SNX29: variants seen among roughly 807,000 people sequenced by gnomAD.
SNX29 encodes the protein sorting nexin-29.
A neutral mutation model predicts 102.1 loss-of-function variants in SNX29; 78 were observed. The ratio of observed to expected loss-of-function variants is 0.76; its 90% CI spans 0.64 to 0.92. SNX29 has a LOEUF of 0.92. Ranked by LOEUF, SNX29 falls within the 40% of genes least tolerant of loss-of-function variation. The pLI, the probability that SNX29 is intolerant of heterozygous loss-of-function variation, is 0.00. For synonymous variants in SNX29, 580 were observed against 414.5 expected (o/e 1.40, Z -4.85); for missense variants, 1,280 against 1,061.7 (o/e 1.21, Z -2.86).
intron 14 of SNX29, among the ~76,000 whole-genome samples, chr16:12,229,709 T>C (rs830715): frequency 2.6e-5 from 4 of 151,834 alleles, no homozygotes; most frequent in Middle Eastern, 3.4e-3. Flanking sequence ...ATTGAAGTAG[T>C]GTAGAGGGTT....
intron 14 of SNX29, among the ~76,000 whole-genome samples, chr16:12,202,699 C>G (rs1011988344): frequency 1.3e-5 from 2 of 152,124 alleles, no homozygotes; most frequent in African/African-American, 4.8e-5. Context: ...GGCGATCCTC[C>G]TCCTCTCCTT....
intron 15 of SNX29, among the ~76,000 whole-genome samples, chr16:12,304,638 C>A (rs776620048): frequency 2.0e-5 from 3 of 152,218 alleles, no homozygotes; most frequent in Non-Finnish European, 2.9e-5. Flanking sequence ...AGTGATCCAC[C>A]TGCCTTGGCC....
At chr16:12,211,360 G>A (rs1368653989) in intron 14 of SNX29, among the ~76,000 whole-genome samples, 1 of 152,192 alleles carries the variant, frequency 6.6e-6, no homozygotes, top group Admixed American at 6.5e-5. Flanking sequence ...ACAGATAACA[G>A]AAGCTCTGTT....
chr16:12,457,265 A>G (rs4327068), intron 18 of SNX29, among the ~76,000 whole-genome samples: 34,199 of 152,128 alleles, frequency 0.22, 3,842 homozygotes, highest in South Asian at 0.34. Context: ...TCCCCGCTCT[A>G]TAGATGCTAA....
chr16:12,053,090 A>C (rs1440770844), intron 8 of SNX29: 1 of 152,122 alleles, frequency 6.6e-6, no homozygotes, highest in Non-Finnish European at 1.5e-5. Flanking sequence ...CAGGAGTTCT[A>C]GACCAGCCTG....
rs77877181 is a variant in SNX29, at chr16:12,064,740, C to T, written c.1243+3094C>T. Among the ~76,000 whole-genome samples the T allele has an allele frequency of 1.4e-3, 207 of 152,278 alleles. 6 individuals are homozygous for T. The East Asian group carries it at 0.035, about 26-fold the overall frequency. ...CCCATTTCCATGGGAGGTGTGGGGC[C>T]GACTGGTGCCAAGACTCTGCCTGCC... On this transcript the variant is annotated intron_variant, in intron 9 of 20. Coordinates refer to ENST00000566228, the MANE Select transcript of SNX29 (RefSeq NM_032167.5).
At chr16:12,533,740 A>G (rs2076993811) in intron 20 of SNX29, among the ~76,000 whole-genome samples, 1 of 152,108 alleles carries the variant, frequency 6.6e-6, no homozygotes, top group Admixed American at 6.5e-5. Context: ...GGTGGGTCAT[A>G]TAAGTGAATT....
At chr16:12,306,799 G>A (rs946768007) in intron 15 of SNX29, among the ~76,000 whole-genome samples, 37 of 152,184 alleles carry the variant, frequency 2.4e-4, no homozygotes, top group African/African-American at 7.0e-4. Context: ...CTTGTCAGCC[G>A]AGCTGTCCTG....
chr16:12,518,010 G>T (rs1018082407), intron 19 of SNX29, among the ~76,000 whole-genome samples: 10 of 152,140 alleles, frequency 6.6e-5, no homozygotes, highest in African/African-American at 2.2e-4. Context: ...GGAGGTACTG[G>T]GGAGAAGGTG....
intron 1 of SNX29, among the ~76,000 whole-genome samples, chr16:11,997,111 A>G (rs961699937): frequency 6.6e-6 from 1 of 152,082 alleles, no homozygotes; most frequent in South Asian, 2.1e-4. Flanking sequence ...CCCCTTTATC[A>G]TGGCCCACAC....
At chr16:12,294,978 T>C (rs963526178) in intron 15 of SNX29, among the ~76,000 whole-genome samples, 3 of 152,262 alleles carry the variant, frequency 2.0e-5, no homozygotes, top group East Asian at 1.9e-4. Context: ...AGACACGTCT[T>C]ACATGGCGTC....
chr16:12,270,674 T>A (rs2079063830), intron 14 of SNX29, among the ~76,000 whole-genome samples: 1 of 151,798 alleles, frequency 6.6e-6, no homozygotes, highest in South Asian at 2.1e-4. Flanking sequence ...ATATTTTTAT[T>A]TTTTTGTGCA....
intron 18 of SNX29, among the ~76,000 whole-genome samples, chr16:12,423,629 G>A (rs1280850253): frequency 2.0e-5 from 3 of 152,146 alleles, no homozygotes; most frequent in African/African-American, 7.2e-5. Context: ...GGAGTGCAGT[G>A]GCGCCATCTT....
chr16:12,197,875 A>G (rs1351786918), intron 13 of SNX29, among the ~76,000 whole-genome samples: 6 of 151,894 alleles, frequency 4.0e-5, no homozygotes, highest in South Asian at 2.1e-4. Context: ...TTCTGCCACA[A>G]TACAGCACAG....
intron 3 of SNX29, among the ~76,000 whole-genome samples, chr16:12,019,050 TC>T (rs1472396609): frequency 2.6e-5 from 4 of 152,214 alleles, no homozygotes; most frequent in Admixed American, 2.6e-4. Flanking sequence ...GCATGATTTT[TC>T]CTCACCATAA....
chr16:12,450,991 A>C (rs557335372), intron 18 of SNX29, among the ~76,000 whole-genome samples: 3 of 152,098 alleles, frequency 2.0e-5, no homozygotes, highest in Non-Finnish European at 4.4e-5. Flanking sequence ...GGGACCCAGT[A>C]CTAGGGAATA....
rs141572561 is a variant in SNX29, at chr16:12,115,262, T to G, written c.1403-11371T>G. Among the ~76,000 whole-genome samples, 418 of 152,148 alleles carry G rather than the reference T, an allele frequency of 2.7e-3. 1 individual carries two copies. The highest frequency in any genetic ancestry group is 9.5e-3 in the African/African-American group (396 of 41,514). ...GCTGGGAATCCCATCCTATCTGTGG[T>G]AGGGACTGGATTCTCCTCCACAAGT... On this transcript the variant is annotated intron_variant, in intron 11 of 20. Transcript: ENST00000566228.
intron 4 of SNX29, among the ~76,000 whole-genome samples, chr16:12,033,350 A>C (rs1596647795): frequency 6.9e-6 from 1 of 144,872 alleles, no homozygotes. Context: ...TGATCCTCCC[A>C]CCTTGGCCTC....
chr16:12,250,137 G>T (rs1476891317), intron 14 of SNX29, among the ~76,000 whole-genome samples: 1 of 152,210 alleles, frequency 6.6e-6, no homozygotes, highest in Admixed American at 6.5e-5. Context: ...AGCCTTGAAG[G>T]GTTAGACAGA....
Sources: gnomAD v4.1 joint callset for allele counts (sites outside exome capture counted in the v4.1 genomes callset) on GRCh38, gnomAD v4.1.1 for gene constraint, MANE v1.5 for transcripts, NCBI Gene and HGNC (gene_info 2026-07-23, HGNC 2026-07-21) for gene names.